PGP: variants seen among roughly 807,000 people sequenced by gnomAD.
PGP encodes aspartate-based ubiquitous Mg(2+)-dependent phosphatase.
In PGP, 9 loss-of-function variants were observed where a neutral mutation model predicts 19.3. The observed-to-expected ratio is 0.47, with a 90% CI of 0.28 to 0.81. The LOEUF is 0.81. Among genes scored for constraint, PGP ranks in the 40% least tolerant of loss-of-function variants. The pLI is 0.11. For synonymous variants in PGP, 308 were observed against 226.8 expected (o/e 1.36, Z -3.22); for missense variants, 403 against 479.9 (o/e 0.84, Z 1.50).
Position 2,212,900 on chromosome 16 carries a change from GAC to G in PGP, c.*826_*827del. The G allele has an allele frequency of 1.0e-6, 1 of 978,684 alleles. No homozygotes were observed. Among genetic ancestry groups the G allele is most frequent in the Non-Finnish European group, 1.2e-6 (1 of 828,376 alleles). The allele number at this position is 978,684 out of a possible 1,614,324, so 60.6% of individuals were successfully genotyped here. A position where few individuals can be genotyped will look rare whatever the true frequency, so the allele number is the denominator to read the frequency against. ...CACTTAAAATTCAAATCCATTGCCT[GAC>G]ACAGTTGTTCAAAGTTAAAAACTGG... On this transcript the variant is annotated 3_prime_UTR_variant, in exon 2 of 2. Transcript: ENST00000333503.
chr16:2,214,517 G>C lies in PGP; in HGVS notation c.261C>G (p.Gly87=), dbSNP rs1196007133. ...GGCTGGCGCCGGGCCCCGCGGGGCC[G>C]CCGAAGCCCAGGCGCCGCAGCTTCT... ...YAEKLRRLGF[G]GPAGPGASLE... The change falls in exon 1 of 2, where the codon GGC becomes GGG. Residue 87 remains glycine (G), a synonymous_variant. Transcript: ENST00000333503. This position sits in a 1 kb window ranked among gnomAD's most constrained non-coding sequence, Gnocchi z 7.1. The C allele has an allele frequency of 7.0e-7, 1 of 1,435,134 alleles. No homozygotes were observed. The highest frequency in any genetic ancestry group is 1.4e-5 in the South Asian group (1 of 73,966). The allele number at this position is 1,435,134 out of a possible 1,614,324, so 88.9% of individuals were successfully genotyped here.
At position 2,212,579 on chromosome 16, in the gene PGP, G is replaced by A. The variant is rs2093378188; in HGVS notation, c.*1149C>T. 1.0e-6 allele frequency: 1 copy of A among 985,362 alleles called. No individual in the cohort carries two copies. The highest frequency in any genetic ancestry group is 4.7e-5 in the South Asian group (1 of 21,298). 61.0% of individuals were successfully genotyped at this position (985,362 alleles called of 1,614,324 possible). A position where few individuals can be genotyped will look rare whatever the true frequency, so the allele number is the denominator to read the frequency against. ...TCCAGGGCAAGGCAGGTGACCTCCTGGGCCACCAGTCTCTAACCCCTACCC... is the reference window on the plus strand; with the variant it reads ...TCCAGGGCAAGGCAGGTGACCTCCTAGGCCACCAGTCTCTAACCCCTACCC... On this transcript the variant is annotated 3_prime_UTR_variant, in exon 2 of 2. Coordinates refer to ENST00000333503, the MANE Select transcript of PGP (RefSeq NM_001042371.3).
chr16:2,214,435 C>T lies in PGP; in HGVS notation c.343G>A (p.Gly115Ser), dbSNP rs2093382935. 2 of 1,329,778 alleles carry T rather than the reference C, an allele frequency of 1.5e-6. No individual in the cohort carries two copies. Among genetic ancestry groups the T allele is most frequent in the South Asian group, 2.1e-5 (1 of 47,840 alleles). 82.4% of individuals were successfully genotyped at this position (1,329,778 alleles called of 1,614,324 possible). ...ACGTAGGCCTTGGGCGCGGGGGCGC[C>T]GGCCAGGCGCTGGCGCAGGTAGAGC... ...TALYLRQRLA[G>S]APAPKAYVLG... Residue 115 changes from glycine to serine, a missense_variant, in exon 1 of 2, where the codon GGC (glycine) becomes AGC (serine). Coordinates refer to ENST00000333503, the MANE Select transcript of PGP (RefSeq NM_001042371.3). This position sits in a 1 kb window ranked among gnomAD's most constrained non-coding sequence, Gnocchi z 7.1.
Position 2,212,422 on chromosome 16 carries a change from C to G in PGP, c.*1306G>C. The G allele has an allele frequency of 1.0e-6, 1 of 985,802 alleles. No individual in the cohort carries two copies. The highest frequency in any genetic ancestry group is 4.7e-5 in the South Asian group (1 of 21,298). The allele number at this position is 985,802 out of a possible 1,614,324, so 61.1% of individuals were successfully genotyped here. ...CAGAAGGTGCAGCATCCCGGGATGG[C>G]CCTGCTGAGTCTGCTGTCAGGCCTG... On this transcript the variant is annotated 3_prime_UTR_variant, in exon 2 of 2. Coordinates refer to ENST00000333503, the MANE Select transcript of PGP (RefSeq NM_001042371.3).
chr16:2,214,835 G>T lies in PGP; in HGVS notation c.-58C>A, dbSNP rs1247413790. The T allele has an allele frequency of 8.9e-6, 5 of 563,204 alleles. No individual in the cohort carries two copies. Among genetic ancestry groups the T allele is most frequent in the Non-Finnish European group, 1.1e-5 (5 of 445,764 alleles). The allele number at this position is 563,204 out of a possible 1,614,324, so 34.9% of individuals were successfully genotyped here. Reference sequence around the variant, plus strand: ...GCTCCTCGCAGCCGCCCGCCGCGGCGCCCTCCCCGCCCCCGGGGCGCTCAT... The same window carrying T: ...GCTCCTCGCAGCCGCCCGCCGCGGCTCCCTCCCCGCCCCCGGGGCGCTCAT... On this transcript the variant is annotated 5_prime_UTR_variant, in exon 1 of 2. Transcript: ENST00000333503. This position sits in a 1 kb window ranked among gnomAD's most constrained non-coding sequence, Gnocchi z 7.1.
At position 2,213,454 on chromosome 16, in the gene PGP, T is replaced by G. The variant is rs1596739210; in HGVS notation, c.*274A>C. ...CCTGGTTACCTGAATCCCGGACAGG[T>G]GCAGAGCCTGCCCCTGCCAACCCCA... is the stretch of plus-strand genomic sequence containing the variant. On this transcript the variant is annotated 3_prime_UTR_variant, in exon 2 of 2. Transcript: ENST00000333503. 1 of 807,718 alleles carries G rather than the reference T, an allele frequency of 1.2e-6. No individual in the cohort carries two copies. The highest frequency in any genetic ancestry group is 1.6e-6 in the Non-Finnish European group (1 of 618,238). The allele number at this position is 807,718 out of a possible 1,614,324, so 50.0% of individuals were successfully genotyped here. A position where few individuals can be genotyped will look rare whatever the true frequency, so the allele number is the denominator to read the frequency against.
At position 2,212,006 on chromosome 16, in the gene PGP, G is replaced by C. The variant is rs1202135239; in HGVS notation, c.*1722C>G. On this transcript the variant is annotated 3_prime_UTR_variant, in exon 2 of 2. Transcript: ENST00000333503. ...GACACCTGAGCCAGTGTGGGTTTGA[G>C]AGTTTAATCTGTGCTCTGGCGCCCA... The C allele has an allele frequency of 1.0e-6, 1 of 985,546 alleles. No individual in the cohort carries two copies. The allele number at this position is 985,546 out of a possible 1,614,324, so 61.1% of individuals were successfully genotyped here.
chr16:2,212,000 G>A lies in PGP; in HGVS notation c.*1728C>T, dbSNP rs910365473. 8.1e-6 allele frequency: 8 copies of A among 985,426 alleles called. No homozygotes were observed. The African/African-American group carries it at 1.0e-4, about 13-fold the overall frequency. 61.0% of individuals were successfully genotyped at this position (985,426 alleles called of 1,614,324 possible). On this transcript the variant is annotated 3_prime_UTR_variant, in exon 2 of 2. Coordinates refer to ENST00000333503, the MANE Select transcript of PGP (RefSeq NM_001042371.3). ...AGCAAGGACACCTGAGCCAGTGTGG[G>A]TTTGAGAGTTTAATCTGTGCTCTGG...
chr16:2,214,788 C>T lies in PGP; in HGVS notation c.-11G>A, dbSNP rs1454727117. The stretch of plus-strand genomic sequence containing the variant: ...CTCCGCCGCCGCCATCGCCGCCCGC[C>T]GGCCGCCGCCGCCCGCCGGCCGCTC... On this transcript the variant is annotated 5_prime_UTR_variant, in exon 1 of 2. Coordinates refer to ENST00000333503, the MANE Select transcript of PGP (RefSeq NM_001042371.3). The surrounding 1 kb of genome is among the most constrained non-coding windows in gnomAD (Gnocchi z 7.1). The T allele has an allele frequency of 8.6e-6, 8 of 928,320 alleles. No homozygotes were observed. Among genetic ancestry groups the T allele is most frequent in the African/African-American group, 1.8e-5 (1 of 55,470 alleles). The allele number at this position is 928,320 out of a possible 1,614,324, so 57.5% of individuals were successfully genotyped here. A position where few individuals can be genotyped will look rare whatever the true frequency, so the allele number is the denominator to read the frequency against.
At position 2,214,268 on chromosome 16, in the gene PGP, C is replaced by A; in HGVS notation, c.510G>T (p.Val170=). The A allele has an allele frequency of 6.3e-7, 1 of 1,579,736 alleles. No homozygotes were observed. The highest frequency in any genetic ancestry group is 8.5e-7 in the Non-Finnish European group (1 of 1,171,586). ...PLEPDVRAVV[V]GFDPHFSYMK... ...TGTAGCTGAAGTGCGGGTCAAAGCC[C>A]ACCACCACCGCGCGCACGTCGGGCT... is the stretch of plus-strand genomic sequence containing the variant. Residue 170 remains valine, a synonymous_variant, in exon 1 of 2, where the codon GTG becomes GTT. Coordinates refer to ENST00000333503, the MANE Select transcript of PGP (RefSeq NM_001042371.3). This position sits in a 1 kb window ranked among gnomAD's most constrained non-coding sequence, Gnocchi z 7.1.
At position 2,212,623 on chromosome 16, in the gene PGP, G is replaced by A. The variant is rs1184443694; in HGVS notation, c.*1105C>T. 2.0e-6 allele frequency: 2 copies of A among 985,500 alleles called. No individual in the cohort carries two copies. Among genetic ancestry groups the A allele is most frequent in the South Asian group, 9.4e-5 (2 of 21,290 alleles). 61.0% of individuals were successfully genotyped at this position (985,500 alleles called of 1,614,324 possible). On this transcript the variant is annotated 3_prime_UTR_variant, in exon 2 of 2. Transcript: ENST00000333503. ...CCTACCCCAGCCTAGGGAAGGGGAG[G>A]ACAGGAAGAGACTGGATGCTTTGTA...
Position 2,214,337 on chromosome 16 carries a change from T to A in PGP, c.441A>T (p.Pro147=). The A allele has an allele frequency of 6.5e-7, 1 of 1,529,430 alleles. No homozygotes were observed. Among genetic ancestry groups the A allele is most frequent in the Non-Finnish European group, 8.7e-7 (1 of 1,144,400 alleles). 94.7% of individuals were successfully genotyped at this position (1,529,430 alleles called of 1,614,324 possible). The stretch of plus-strand genomic sequence containing the variant: ...AGTCGCCGGGACCCTCGCCCTGCAG[T>A]GGCTCGGGCCCCACGCCCACGCTGG... ...GVASVGVGPE[P]LQGEGPGDWL... is the part of the protein sequence containing the mutation. Residue 147 remains proline, a synonymous_variant, in exon 1 of 2, where the codon CCA becomes CCT. Transcript: ENST00000333503. The surrounding 1 kb of genome is among the most constrained non-coding windows in gnomAD (Gnocchi z 7.1).
rs1268647129 is a variant in PGP at position 2,214,650 on chromosome 16, TC to T, written c.127del (p.Glu43ArgfsTer137). On this transcript the variant is annotated frameshift_variant, in exon 1 of 2. Transcript: ENST00000333503. LOFTEE classifies it high-confidence loss of function. The surrounding 1 kb of genome is among the most constrained non-coding windows in gnomAD (Gnocchi z 7.1). The stretch of plus-strand genomic sequence containing the variant: ...CTCGGGCGCGCCAGGCACGGCGGTC[TC>T]CCCGCGCCACAGCACGCCGTCGCAG... Reference protein sequence around the residue: ...FDCDGVLWRGETAVPGAPEAL... With the variant: ...FDCDGVLWRGXTAVPGAPEAL... 3 of 1,442,842 alleles carry T rather than the reference TC, an allele frequency of 2.1e-6. No homozygotes were observed. Among genetic ancestry groups the T allele is most frequent in the Non-Finnish European group, 2.7e-6 (3 of 1,099,882 alleles). The allele number at this position is 1,442,842 out of a possible 1,614,324, so 89.4% of individuals were successfully genotyped here.
chr16:2,212,734 T>C lies in PGP; in HGVS notation c.*994A>G. 1.0e-6 allele frequency: 1 copy of C among 985,472 alleles called. No individual in the cohort carries two copies. Among genetic ancestry groups the C allele is most frequent in the Non-Finnish European group, 1.2e-6 (1 of 829,924 alleles). 61.0% of individuals were successfully genotyped at this position (985,472 alleles called of 1,614,324 possible). A position where few individuals can be genotyped will look rare whatever the true frequency, so the allele number is the denominator to read the frequency against. On this transcript the variant is annotated 3_prime_UTR_variant, in exon 2 of 2. Coordinates refer to ENST00000333503, the MANE Select transcript of PGP (RefSeq NM_001042371.3). ...CAGGCATTCCTTGGCCAACACATGCTTGAGCCGCGCTGCTGGCTGCAGGGC... is the reference window on the plus strand; with the variant it reads ...CAGGCATTCCTTGGCCAACACATGCCTGAGCCGCGCTGCTGGCTGCAGGGC...
Position 2,213,339 on chromosome 16 carries a change from C to A in PGP, c.*389G>T, listed in dbSNP as rs1043134580. 6 of 992,570 alleles carry A rather than the reference C, an allele frequency of 6.0e-6. No individual in the cohort carries two copies. Among genetic ancestry groups the A allele is most frequent in the Non-Finnish European group, 7.2e-6 (6 of 834,576 alleles). 61.5% of individuals were successfully genotyped at this position (992,570 alleles called of 1,614,324 possible). On this transcript the variant is annotated 3_prime_UTR_variant, in exon 2 of 2. Coordinates refer to ENST00000333503, the MANE Select transcript of PGP (RefSeq NM_001042371.3). The stretch of plus-strand genomic sequence containing the variant: ...CCAACAGTCAGAATAATCAGTCCCT[C>A]TGCCCCCTGAGGGGCTGGATCCCTG...
Position 2,211,809 on chromosome 16 carries a change from C to T in PGP, c.*1919G>A. The stretch of plus-strand genomic sequence containing the variant: ...CCAGGGCCCTTTGCTTCCCTGGCTT[C>T]CCTTTGTGCCTGGCTTTCCCTCATT... On this transcript the variant is annotated 3_prime_UTR_variant, in exon 2 of 2. Transcript: ENST00000333503. 4.1e-6 allele frequency: 4 copies of T among 985,578 alleles called. No individual in the cohort carries two copies. The highest frequency in any genetic ancestry group is 4.8e-6 in the Non-Finnish European group (4 of 830,050). The allele number at this position is 985,578 out of a possible 1,614,324, so 61.1% of individuals were successfully genotyped here.
At position 2,214,145 on chromosome 16, in the gene PGP, GAAGCGGCCGTTCTC is replaced by G; in HGVS notation, c.619_632del (p.Glu207HisfsTer81). 6.4e-7 allele frequency: 1 copy of G among 1,567,874 alleles called. No homozygotes were observed. On this transcript the variant is annotated frameshift_variant, in exon 1 of 2. Transcript: ENST00000333503. LOFTEE classifies it high-confidence loss of function. The surrounding 1 kb of genome is among the most constrained non-coding windows in gnomAD (Gnocchi z 7.1). ...GCCCCAGGGCGCACGGACCCGCGATGAAGCGGCCGTTCTCAAGCGGAAGCCGGTTGTCCATGTTG... is the reference window on the plus strand; with the variant it reads ...GCCCCAGGGCGCACGGACCCGCGATGAAGCGGAAGCCGGTTGTCCATGTTG...
At position 2,212,620 on chromosome 16, in the gene PGP, G is replaced by A; in HGVS notation, c.*1108C>T. The A allele has an allele frequency of 1.0e-6, 1 of 985,526 alleles. No individual in the cohort carries two copies. The highest frequency in any genetic ancestry group is 1.2e-6 in the Non-Finnish European group (1 of 829,958). 61.0% of individuals were successfully genotyped at this position (985,526 alleles called of 1,614,324 possible). On this transcript the variant is annotated 3_prime_UTR_variant, in exon 2 of 2. Coordinates refer to ENST00000333503, the MANE Select transcript of PGP (RefSeq NM_001042371.3). ...ACCCCTACCCCAGCCTAGGGAAGGG[G>A]AGGACAGGAAGAGACTGGATGCTTT... is the stretch of plus-strand genomic sequence containing the variant.
Position 2,213,872 on chromosome 16 carries a change from C to T in PGP, c.822G>A (p.Leu274=). ...TDILLGATCG[L]KTILTLTGVS... is the part of the protein sequence containing the mutation. ...CTCCGGTGAGGGTCAGGATGGTCTT[C>T]AGGCCACAGGTGGCGCCTAGGAGGA... The change falls in exon 2 of 2, where the codon CTG becomes CTA. Residue 274 remains leucine (L), a synonymous_variant. Coordinates refer to ENST00000333503, the MANE Select transcript of PGP (RefSeq NM_001042371.3). The T allele has an allele frequency of 2.5e-6, 4 of 1,613,194 alleles. No homozygotes were observed. Among genetic ancestry groups the T allele is most frequent in the Non-Finnish European group, 3.4e-6 (4 of 1,179,392 alleles).
Sources: gnomAD v4.1 joint callset for allele counts on GRCh38, gnomAD v4.1.1 for gene constraint, Gnocchi (gnomAD v3.1) non-coding constraint, MANE v1.5 for transcripts, NCBI Gene and HGNC (gene_info 2026-07-23, HGNC 2026-07-21) for gene names.